Variants in TUBD1 observed in about 807,000 individuals in gnomAD.
The protein encoded by TUBD1 is tubulin delta chain.
TUBD1 carries 38 observed loss-of-function variants against 51.2 expected under a neutral mutation model. The ratio of observed to expected loss-of-function variants is 0.74; its 90% confidence interval spans 0.57 to 0.97. The LOEUF (loss-of-function observed/expected upper bound fraction) is 0.97, where lower values mean the gene tolerates loss of function less well. Among genes scored for constraint, TUBD1 ranks in the 50% least tolerant of loss-of-function variants. The pLI is 0.00. For missense variants in TUBD1, 489 were observed against 538.4 expected (o/e 0.91, Z 0.91); for synonymous variants, 169 against 178.2 (o/e 0.95, Z 0.41).
chr17:59,891,460 T>C (rs2041028078), intron 1 of TUBD1, among the ~76,000 whole-genome samples: 1 of 151,966 alleles, frequency 6.6e-6, no homozygotes, highest in Non-Finnish European at 1.5e-5. Context: ...AAATGCCACA[T>C]ACGTATATAA....
chr17:59,877,807 C>A (rs1378033397), intron 5 of TUBD1, among the ~76,000 whole-genome samples: 2 of 150,102 alleles, frequency 1.3e-5, no homozygotes, highest in African/African-American at 4.9e-5. Context: ...TTGACTTGCA[C>A]ACTTTAAATG....
chr17:59,878,551 C>T (rs1415598995), intron 4 of TUBD1: 3 of 456,296 alleles, frequency 6.6e-6, no homozygotes, highest in African/African-American at 2.0e-5. Context: ...GTGGCACCAT[C>T]TCTGCTCACT....
At chr17:59,879,741 T>C (rs2040396880) in intron 4 of TUBD1, among the ~76,000 whole-genome samples, 1 of 151,144 alleles carries the variant, frequency 6.6e-6, no homozygotes, top group African/African-American at 2.4e-5. Context: ...CTGGCCATTC[T>C]CTGAAAAAAA....
chr17:59,860,448 G>C (rs1287296313), intron 8 of TUBD1, 24 bp from the exon 9 acceptor site: 16 of 1,281,000 alleles, frequency 1.2e-5, no homozygotes, highest in Non-Finnish European at 1.7e-5. Flanking sequence ...AAAAAAAACA[G>C]AAATTACAAA....
chr17:59,862,746 A>T (rs1598496312), intron 8 of TUBD1, among the ~76,000 whole-genome samples: 1 of 70,032 alleles, frequency 1.4e-5, no homozygotes, highest in East Asian at 3.2e-4. Flanking sequence ...TTTTTTTGAG[A>T]CGGAGTCTCG....
rs200806952 is a variant in TUBD1 at position 59,866,755 on chromosome 17, A to C, written c.935-6T>G. 4.9e-5 allele frequency: 78 copies of C among 1,582,152 alleles called. No homozygotes were observed. The highest frequency in any genetic ancestry group is 1.6e-4 in the Admixed American group (8 of 49,436). On this transcript the variant is annotated splice_polypyrimidine_tract_variant and splice_region_variant and intron_variant, in intron 6 of 8. Coordinates refer to ENST00000325752, the MANE Select transcript of TUBD1 (RefSeq NM_016261.4). ...CCATACATGCCTATCAATACCTACC[A>C]AAAGAAAAAAAAAGCAAGAGGTTTT...
At chr17:59,868,863 A>G (rs1368840603) in intron 6 of TUBD1, among the ~76,000 whole-genome samples, 2 of 151,214 alleles carry the variant, frequency 1.3e-5, no homozygotes, top group Non-Finnish European at 3.0e-5. Context: ...ATAAATAAAT[A>G]AGAAAATTAG....
intron 8 of TUBD1, among the ~76,000 whole-genome samples, chr17:59,861,532 T>C (rs1244874155): frequency 2.0e-5 from 3 of 151,990 alleles, no homozygotes; most frequent in Non-Finnish European, 2.9e-5. Context: ...ACAAAAATCA[T>C]GTGCAAAAAG....
rs553766799 is a variant in TUBD1, at chr17:59,892,325, T to G, written c.-40+372A>C. 3.3e-5 allele frequency among the ~76,000 whole-genome samples: 5 copies of G among 152,326 alleles called. No individual in the cohort carries two copies. The East Asian group carries it at 9.6e-4, about 29-fold the overall frequency. ...GGGAGGCCGAGGCGGGAGGATCACC[T>G]GAGCCCAGGGATTCCAGACCAGCCT... is the stretch of plus-strand genomic sequence containing the variant. On this transcript the variant is annotated intron_variant, in intron 1 of 8. Transcript: ENST00000325752.
chr17:59,878,069 C>A (rs2040306095), intron 5 of TUBD1, 34 bp downstream of exon 5: 3 of 1,543,372 alleles, frequency 1.9e-6, no homozygotes, highest in African/African-American at 2.7e-5. Flanking sequence ...GAACATAAGG[C>A]TTTCCTATAA....
In TUBD1 at chr17:59,892,740, C is replaced by G. The variant is rs1200362227; in HGVS notation, c.-83G>C. Reference sequence around the variant, plus strand: ...GCTTCTGTCCGGTTCAAACTTCGGACCAACCTACTCACCATGCGCATGCTC... The same window carrying G: ...GCTTCTGTCCGGTTCAAACTTCGGAGCAACCTACTCACCATGCGCATGCTC... On this transcript the variant is annotated 5_prime_UTR_variant, in exon 1 of 9. Coordinates refer to ENST00000325752, the MANE Select transcript of TUBD1 (RefSeq NM_016261.4). The G allele has an allele frequency of 6.2e-6, 1 of 161,148 alleles. No individual in the cohort carries two copies. Among genetic ancestry groups the G allele is most frequent in the Non-Finnish European group, 1.4e-5 (1 of 72,256 alleles). 10.0% of individuals were successfully genotyped at this position (161,148 alleles called of 1,614,324 possible).
chr17:59,882,506 C>T (rs2040534402), intron 3 of TUBD1, among the ~76,000 whole-genome samples: 1 of 151,950 alleles, frequency 6.6e-6, no homozygotes, highest in African/African-American at 2.4e-5. Flanking sequence ...AGGCTGGTTT[C>T]AAACTCCTGA....
chr17:59,863,227 C>CT (rs1321461640), intron 8 of TUBD1, among the ~76,000 whole-genome samples: 1 of 152,118 alleles, frequency 6.6e-6, no homozygotes, highest in Non-Finnish European at 1.5e-5. Flanking sequence ...AGTCACGTGC[C>CT]CAAGGCTTCA....
chr17:59,886,424 C>A (rs2040730206), intron 2 of TUBD1, 194 bp from the exon 3 acceptor site: 3 of 561,058 alleles, frequency 5.3e-6, no homozygotes, highest in Middle Eastern at 4.9e-4. Flanking sequence ...GTTCACCAAG[C>A]CCAGCATTTG....
chr17:59,875,745 CAAAAAAA>C, intron 5 of TUBD1, among the ~76,000 whole-genome samples: 1 of 124,462 alleles, frequency 8.0e-6, no homozygotes, highest in African/African-American at 3.1e-5. Flanking sequence ...GACTCTGTCT[CAAAAAAA>C]AAAAAAAGTT....
chr17:59,877,551 G>T (rs955841163), intron 5 of TUBD1, among the ~76,000 whole-genome samples: 4 of 152,130 alleles, frequency 2.6e-5, no homozygotes, highest in Admixed American at 2.6e-4. Flanking sequence ...GAAGGCCGAG[G>T]CGGGTGGATC....
Position 59,874,687 on chromosome 17 carries a change from A to C in TUBD1, c.786T>G (p.His262Gln). ...TCTTGAATTCAGGATGGGGAACTAA[A>C]TGCTCCATTAAGTCTCCTGTAAAGA... ...RRNPLGDLME[H>Q]LVPHPEFKML... The change falls in exon 6 of 9, where the codon CAT (histidine) becomes CAG (glutamine). Residue 262 changes from histidine (H) to glutamine (Q), a missense_variant. Coordinates refer to ENST00000325752, the MANE Select transcript of TUBD1 (RefSeq NM_016261.4). 1 of 1,611,592 alleles carries C rather than the reference A, an allele frequency of 6.2e-7. No individual in the cohort carries two copies. The highest frequency in any genetic ancestry group is 8.5e-7 in the Non-Finnish European group (1 of 1,179,562).
chr17:59,882,789 CTT>C (rs959009765), intron 3 of TUBD1, among the ~76,000 whole-genome samples: 12 of 144,102 alleles, frequency 8.3e-5, no homozygotes, highest in Admixed American at 1.4e-4. Flanking sequence ...TAATTTCTTT[CTT>C]TTTTTTTTTT....
At chr17:59,877,360 T>G (rs989999564) in intron 5 of TUBD1, among the ~76,000 whole-genome samples, 3 of 152,202 alleles carry the variant, frequency 2.0e-5, no homozygotes, top group Non-Finnish European at 4.4e-5. Context: ...AACACAATGC[T>G]GACGCGCACA....
Sources: allele counts gnomAD v4.1 joint callset (sites outside exome capture counted in the v4.1 genomes callset), GRCh38; gene constraint gnomAD v4.1.1; transcripts MANE v1.5; gene names NCBI Gene and HGNC (gene_info 2026-07-23, HGNC 2026-07-21).